The following CSMD3 variants were observed in gnomAD, a reference collection of about 807,000 sequenced individuals.
CSMD3 encodes the protein CUB and Sushi multiple domains 3.
A neutral mutation model predicts 435.2 loss-of-function variants in CSMD3; 177 were observed. The observed-to-expected ratio is 0.41, with a 90% confidence interval of 0.36 to 0.46. The LOEUF is 0.46. CSMD3 is among the 20% of genes least tolerant of loss of function. The pLI is 0.34. For missense variants in CSMD3, 4,265 were observed against 4,504.6 expected (o/e 0.95, Z 1.52); for synonymous variants, 1,656 against 1,520.5 (o/e 1.09, Z -2.07).
At chr8:112,263,553 C>G in intron 61 of CSMD3, 86 bp downstream of exon 61, 1 of 1,015,302 alleles carries the variant, frequency 9.8e-7, no homozygotes, top group Non-Finnish European at 1.5e-6. Flanking sequence ...CCTAATTAGG[C>G]ATTGAAGGAA....
chr8:112,593,162 A>G (rs991310294), intron 22 of CSMD3, among the ~76,000 whole-genome samples: 3 of 152,228 alleles, frequency 2.0e-5, no homozygotes, highest in Non-Finnish European at 4.4e-5. Flanking sequence ...ACGCCATTCT[A>G]AGACATTTGA....
intron 31 of CSMD3, among the ~76,000 whole-genome samples, chr8:112,484,208 T>G (rs1819901285): frequency 6.6e-6 from 1 of 152,186 alleles, no homozygotes; most frequent in Non-Finnish European, 1.5e-5. Flanking sequence ...TTCTCTAGAC[T>G]TTAACCGAAT....
intron 10 of CSMD3, among the ~76,000 whole-genome samples, chr8:112,859,751 A>G (rs936800987): frequency 1.5e-5 from 2 of 136,604 alleles, no homozygotes; most frequent in Non-Finnish European, 3.4e-5. Flanking sequence ...AACTCAGACT[A>G]AAAAAAAAAG....
chr8:112,444,442 A>G (rs2130534461), intron 32 of CSMD3, among the ~76,000 whole-genome samples: 2 of 152,354 alleles, frequency 1.3e-5, no homozygotes, highest in African/African-American at 4.8e-5. Context: ...ATAGGCTCAG[A>G]CTGGAAATAA....
chr8:112,317,609 G>C (rs1822594090), intron 47 of CSMD3, among the ~76,000 whole-genome samples: 1 of 151,998 alleles, frequency 6.6e-6, no homozygotes, highest in African/African-American at 2.4e-5. Flanking sequence ...TAAATGTCTG[G>C]AATATGTAAG....
chr8:112,714,045 A>C (rs2076669924), intron 13 of CSMD3, among the ~76,000 whole-genome samples: 1 of 152,222 alleles, frequency 6.6e-6, no homozygotes, highest in Non-Finnish European at 1.5e-5. Flanking sequence ...CAGCATCATG[A>C]TGACAGGATC....
At chr8:112,487,260 G>A (rs1346903070) in intron 31 of CSMD3, among the ~76,000 whole-genome samples, 1 of 152,158 alleles carries the variant, frequency 6.6e-6, no homozygotes, top group Non-Finnish European at 1.5e-5. Flanking sequence ...GAGGAGCACG[G>A]GGAGGGTAAA....
chr8:112,500,478 G>A (rs183048420), intron 30 of CSMD3, among the ~76,000 whole-genome samples: 4 of 152,036 alleles, frequency 2.6e-5, no homozygotes, highest in Non-Finnish European at 4.4e-5. Flanking sequence ...AACTATTCTC[G>A]ATACTAGAAA....
At chr8:112,658,120 T>C (rs1422937295) in intron 17 of CSMD3, among the ~76,000 whole-genome samples, 4 of 152,220 alleles carry the variant, frequency 2.6e-5, no homozygotes, top group Admixed American at 6.5e-5. Context: ...ACCATGTATT[T>C]TTACTCATGT....
intron 27 of CSMD3, among the ~76,000 whole-genome samples, chr8:112,526,379 G>C (rs1377755933): frequency 1.3e-5 from 2 of 151,696 alleles, no homozygotes; most frequent in East Asian, 1.9e-4. Flanking sequence ...TTTATTTTTT[G>C]AATCAGCTTT....
At chr8:113,149,421 C>G (rs1225960867) in intron 4 of CSMD3, among the ~76,000 whole-genome samples, 1 of 151,814 alleles carries the variant, frequency 6.6e-6, no homozygotes, top group Admixed American at 6.6e-5. Context: ...TAAAATTGCA[C>G]TGCTTGTGGA....
intron 27 of CSMD3, among the ~76,000 whole-genome samples, chr8:112,540,606 CAT>C (rs1299193686): frequency 6.6e-6 from 1 of 151,858 alleles, no homozygotes; most frequent in African/African-American, 2.4e-5. Context: ...GGAGGAAAAA[CAT>C]AAAATCATGT....
At chr8:113,087,394 C>T (rs2131488958) in intron 5 of CSMD3, among the ~76,000 whole-genome samples, 1 of 152,042 alleles carries the variant, frequency 6.6e-6, no homozygotes, top group South Asian at 2.1e-4. Context: ...GAGCCCGCAT[C>T]ACCAAGTCAA....
chr8:112,290,585 T>C (rs1819666166), intron 56 of CSMD3, among the ~76,000 whole-genome samples: 2 of 151,116 alleles, frequency 1.3e-5, no homozygotes, highest in Admixed American at 1.3e-4. Context: ...TGTTTCTTCA[T>C]TAGTACATGA....
intron 19 of CSMD3, among the ~76,000 whole-genome samples, chr8:112,648,675 T>G (rs146226661): frequency 8.3e-4 from 126 of 152,306 alleles, no homozygotes; most frequent in African/African-American, 3.0e-3. Context: ...ATATATTTGC[T>G]TTTATTATTA....
chr8:113,109,684 T>G (rs1250417785), intron 4 of CSMD3, among the ~76,000 whole-genome samples: 1 of 152,196 alleles, frequency 6.6e-6, no homozygotes, highest in African/African-American at 2.4e-5. Context: ...AAATCGGCTC[T>G]GTGCCTGGAG....
At chr8:112,389,132 T>A (rs1206790963) in intron 36 of CSMD3, among the ~76,000 whole-genome samples, 1 of 152,194 alleles carries the variant, frequency 6.6e-6, no homozygotes, top group Non-Finnish European at 1.5e-5. Flanking sequence ...ACTATGAGAC[T>A]GGCTCTATTA....
intron 2 of CSMD3, among the ~76,000 whole-genome samples, chr8:113,305,956 G>C (rs2093817475): frequency 6.6e-6 from 1 of 152,116 alleles, no homozygotes; most frequent in Non-Finnish European, 1.5e-5. Flanking sequence ...TTTCAAGTTT[G>C]TATATAGAAA....
rs1046821961 is a variant in CSMD3, at chr8:112,306,929, T to C, written c.7886-737A>G. Among the ~76,000 whole-genome samples the C allele has an allele frequency of 1.2e-4, 19 of 152,252 alleles. 1 individual carries two copies. The South Asian group carries it at 1.7e-3, about 13-fold the overall frequency. On this transcript the variant is annotated intron_variant, in intron 50 of 70. Coordinates refer to ENST00000297405, the MANE Select transcript of CSMD3 (RefSeq NM_198123.2). ...TGTTATATTTGCCTAGTTTGTTGTATATATTTTATACTTTACAATTTTAAA... is the reference window on the plus strand; with the variant it reads ...TGTTATATTTGCCTAGTTTGTTGTACATATTTTATACTTTACAATTTTAAA...
Sources: allele counts gnomAD v4.1 joint callset (sites outside exome capture counted in the v4.1 genomes callset), GRCh38; gene constraint gnomAD v4.1.1; transcripts MANE v1.5; gene names NCBI Gene and HGNC (gene_info 2026-07-23, HGNC 2026-07-21).